Variants in SPATA1 observed in about 807,000 individuals in gnomAD.
SPATA1 encodes spermatogenesis associated 1.
In SPATA1, 57 loss-of-function variants were observed where a neutral mutation model predicts 59.6. The ratio of observed to expected loss-of-function variants is 0.96; its 90% CI spans 0.77 to 1.19. The LOEUF (loss-of-function observed/expected upper bound fraction) is 1.19, where lower values mean the gene tolerates loss of function less well. Among genes scored for constraint, SPATA1 ranks in the 50% most tolerant of loss-of-function variants. The probability of loss-of-function intolerance (pLI) is 0.00; values close to 1 mark genes in which losing one functional copy is unlikely to be tolerated. For missense variants in SPATA1, 448 were observed against 480.7 expected (o/e 0.93, Z 0.64); for synonymous variants, 147 against 163.9 (o/e 0.90, Z 0.79).
chr1:84,559,948 A>G (rs1389460174), intron 4 of SPATA1, among the ~76,000 whole-genome samples: 1 of 151,630 alleles, frequency 6.6e-6, no homozygotes, highest in East Asian at 2.0e-4. Context: ...AGCCCGGCAT[A>G]GTGGCGGGCA....
intron 1 of SPATA1, among the ~76,000 whole-genome samples, chr1:84,510,370 A>C (rs918151002): frequency 6.6e-5 from 10 of 152,236 alleles, no homozygotes; most frequent in African/African-American, 2.4e-4. Flanking sequence ...ATTTTTCAAA[A>C]GAAGACTTAC....
chr1:84,545,718 T>A (rs1684064266), exon 10 of SPATA1: 2 of 1,535,104 alleles, frequency 1.3e-6, no homozygotes, highest in African/African-American at 2.8e-5. Flanking sequence ...GTAAAAACGG[T>A]TGAAAAGCTA....
At chr1:84,522,147 C>T (rs1683053764) in intron 3 of SPATA1, among the ~76,000 whole-genome samples, 1 of 152,050 alleles carries the variant, frequency 6.6e-6, no homozygotes, top group Non-Finnish European at 1.5e-5. Flanking sequence ...CTTTTCAGTA[C>T]AAAACATTTA....
chr1:84,544,645 C>G (rs1684024802), intron 9 of SPATA1, among the ~76,000 whole-genome samples: 1 of 152,040 alleles, frequency 6.6e-6, no homozygotes, highest in Non-Finnish European at 1.5e-5. Flanking sequence ...ACTGCAACCT[C>G]CGCCTCTCGG....
intron 10 of SPATA1, among the ~76,000 whole-genome samples, chr1:84,546,634 G>A (rs949748063): frequency 1.2e-4 from 19 of 152,040 alleles, no homozygotes; most frequent in African/African-American, 3.6e-4. Context: ...CTAGGTCTTC[G>A]GGCATGCTTT....
chr1:84,555,071 A>T, downstream of SPATA1: 1 of 1,614,056 alleles, frequency 6.2e-7, no homozygotes. Flanking sequence ...CAGCATCTCC[A>T]GAGTAGTCAA....
intron 4 of SPATA1, among the ~76,000 whole-genome samples, chr1:84,565,540 C>A (rs1684683754): frequency 6.6e-6 from 1 of 152,072 alleles, no homozygotes; most frequent in East Asian, 1.9e-4. Flanking sequence ...ATGAGAATAC[C>A]TGATTAAGCC....
At chr1:84,546,702 C>G (rs932274512) in intron 10 of SPATA1, among the ~76,000 whole-genome samples, 1 of 152,118 alleles carries the variant, frequency 6.6e-6, no homozygotes, top group Non-Finnish European at 1.5e-5. Context: ...AGTTTACCTG[C>G]CTATTTCCTA....
intron 11 of SPATA1, 42 bp from the exon 12 acceptor site, chr1:84,550,390 G>T: frequency 1.9e-6 from 2 of 1,027,878 alleles, no homozygotes; most frequent in Non-Finnish European, 2.7e-6. Flanking sequence ...AAATAAAAAT[G>T]TTTATATGTT....
rs531431081 is a variant in SPATA1, at chr1:84,542,088, C to T, written c.718-2114C>T. 3.9e-5 allele frequency among the ~76,000 whole-genome samples: 6 copies of T among 152,090 alleles called. No individual in the cohort carries two copies. In the East Asian group the frequency reaches 7.7e-4, roughly 20 times the overall value. The stretch of plus-strand genomic sequence containing the variant: ...AGGTTCAAGCAATTCTCCTGCCTCC[C>T]GAGTAGCTGGGATTACAGGCGTGCG... On this transcript the variant is annotated intron_variant, in intron 8 of 12. Coordinates refer to ENST00000490879, the Ensembl canonical transcript of SPATA1.
At chr1:84,509,208 T>TAAAAAAAAAAAAAAAA (rs547069684) in intron 1 of SPATA1, among the ~76,000 whole-genome samples, 2 of 134,424 alleles carry the variant, frequency 1.5e-5, no homozygotes, top group Non-Finnish European at 1.6e-5. Flanking sequence ...GGTACTGGCA[T>TAAAAAAAAAAAAAAAA]AAAAAAAAAA....
intron 2 of SPATA1, chr1:84,520,369 A>G (rs1191810442): frequency 4.4e-6 from 2 of 452,734 alleles, no homozygotes; most frequent in East Asian, 4.2e-5. Context: ...AGCCACATCT[A>G]TAACATTGTT....
downstream of SPATA1, among the ~76,000 whole-genome samples, chr1:84,566,649 G>A (rs913431332): frequency 1.6e-4 from 24 of 151,948 alleles, no homozygotes; most frequent in African/African-American, 4.8e-4. Flanking sequence ...TCTTTTTTGG[G>A]GGGGATGGAG....
chr1:84,552,153 C>T (rs1684293127), intron 12 of SPATA1: 1 of 151,988 alleles, frequency 6.6e-6, no homozygotes, highest in Non-Finnish European at 1.5e-5. Context: ...ATGATCTCCC[C>T]AAAACAGCAC....
chr1:84,536,932 T>G (rs900430507), intron 8 of SPATA1, among the ~76,000 whole-genome samples: 1 of 148,884 alleles, frequency 6.7e-6, no homozygotes, highest in Non-Finnish European at 1.5e-5. Context: ...TAGGCTAGAG[T>G]GCAGTGACAC....
At chr1:84,507,708 T>G (rs1214492845) in intron 1 of SPATA1, among the ~76,000 whole-genome samples, 4 of 152,252 alleles carry the variant, frequency 2.6e-5, no homozygotes, top group Non-Finnish European at 4.4e-5. Context: ...TGATCTGTTT[T>G]ACAGTAGTTG....
intron 1 of SPATA1, among the ~76,000 whole-genome samples, chr1:84,514,855 C>T (rs891424707): frequency 2.6e-5 from 4 of 152,066 alleles, no homozygotes. Flanking sequence ...CCTGTAATCT[C>T]AGCTACTTGG....
intron 6 of SPATA1, among the ~76,000 whole-genome samples, chr1:84,529,049 T>A (rs774317759): frequency 3.9e-5 from 6 of 151,942 alleles, no homozygotes; most frequent in Non-Finnish European, 7.4e-5. Context: ...ATGACCACTT[T>A]CAGACTTTAT....
At chr1:84,562,392 G>A (rs1449761011) in intron 4 of SPATA1, among the ~76,000 whole-genome samples, 2 of 152,112 alleles carry the variant, frequency 1.3e-5, no homozygotes, top group African/African-American at 4.8e-5. Context: ...CTACACTAAA[G>A]CTCTCTGTGG....
Sources: allele counts gnomAD v4.1 joint callset (sites outside exome capture counted in the v4.1 genomes callset), GRCh38; gene constraint gnomAD v4.1.1; transcripts MANE v1.5; gene names NCBI Gene and HGNC (gene_info 2026-07-23, HGNC 2026-07-21).